SCLT1: variants seen among roughly 807,000 people sequenced by gnomAD.
The protein encoded by SCLT1 is sodium channel-associated protein 1.
Under a neutral mutation model 112.8 loss-of-function variants are expected in SCLT1, and 78 were observed. That is an observed-to-expected ratio of 0.69 (90% CI 0.58 to 0.83). The LOEUF (loss-of-function observed/expected upper bound fraction) is 0.83. Among genes scored for constraint, SCLT1 ranks in the 40% least tolerant of loss-of-function variants. SCLT1 has a pLI of 0.00. For synonymous variants in SCLT1, 257 were observed against 254.7 expected, an observed-to-expected ratio of 1.01 and a Z score of -0.09; for missense variants, 747 against 770.4, an observed-to-expected ratio of 0.97 and a Z score of 0.36.
intron 5 of SCLT1, among the ~76,000 whole-genome samples, chr4:129,017,889 G>A (rs535544362): frequency 2.6e-5 from 4 of 152,232 alleles, no homozygotes; most frequent in Middle Eastern, 3.4e-3. Context: ...GTAAGTTCTG[G>A]AAAAAAAGTC....
At chr4:128,919,646 T>C (rs1488905698) in intron 18 of SCLT1, among the ~76,000 whole-genome samples, 1 of 151,722 alleles carries the variant, frequency 6.6e-6, no homozygotes, top group Non-Finnish European at 1.5e-5. Flanking sequence ...ATAAGATTGA[T>C]AGACCACCAG....
intron 5 of SCLT1, among the ~76,000 whole-genome samples, chr4:129,032,915 G>A (rs1035584011): frequency 6.6e-6 from 1 of 152,182 alleles, no homozygotes; most frequent in Non-Finnish European, 1.5e-5. Flanking sequence ...CATTGTGGAA[G>A]ACAGTGTGGC....
At position 128,965,286 on chromosome 4, in the gene SCLT1, C is replaced by T. The variant is rs1416875114; in HGVS notation, c.810G>A (p.Glu270=). 1.2e-6 allele frequency: 2 copies of T among 1,610,150 alleles called. No individual in the cohort carries two copies. Among genetic ancestry groups the T allele is most frequent in the East Asian group, 2.2e-5 (1 of 44,750 alleles). Residue 270 remains glutamate (E), a synonymous_variant, in exon 11 of 21, where the codon GAG becomes GAA. Transcript: ENST00000281142. ...GCTGTAAACGCCTATCTGATGCTTC[C>T]TCTCTTCCATGGGCAGACACCACAT... ...EKDVVSAHGR[E]EASDRRLQQL... is the part of the protein sequence containing the mutation.
At chr4:128,891,772 G>A (rs950294598) in intron 18 of SCLT1, among the ~76,000 whole-genome samples, 10 of 151,372 alleles carry the variant, frequency 6.6e-5, no homozygotes, top group Admixed American at 2.6e-4. Flanking sequence ...AACCTCCCGA[G>A]TAGCTGGGAC....
At chr4:128,941,826 T>C (rs1737718321) in intron 17 of SCLT1, among the ~76,000 whole-genome samples, 1 of 152,128 alleles carries the variant, frequency 6.6e-6, no homozygotes, top group Admixed American at 6.6e-5. Context: ...CTAATTTGCA[T>C]ATATGCTGTG....
chr4:128,982,017 GA>G (rs1478922951), intron 9 of SCLT1, among the ~76,000 whole-genome samples: 2 of 150,090 alleles, frequency 1.3e-5, no homozygotes, highest in African/African-American at 4.8e-5. Context: ...CAGCTCAGAT[GA>G]GAAAGTGATG....
At chr4:129,024,043 G>A (rs1354967859) in intron 5 of SCLT1, among the ~76,000 whole-genome samples, 2 of 152,184 alleles carry the variant, frequency 1.3e-5, no homozygotes, top group African/African-American at 4.8e-5. Flanking sequence ...CGGGAAGCTC[G>A]AACTGGGTGG....
intron 5 of SCLT1, among the ~76,000 whole-genome samples, chr4:129,024,509 TAACA>T (rs907637670): frequency 1.3e-5 from 2 of 152,112 alleles, no homozygotes; most frequent in Admixed American, 1.3e-4. Context: ...GAAGGAAAAC[TAACA>T]AACAGAAAGG....
chr4:128,989,176 T>C (rs1445259773), intron 9 of SCLT1, among the ~76,000 whole-genome samples: 1 of 151,870 alleles, frequency 6.6e-6, no homozygotes, highest in Non-Finnish European at 1.5e-5. Flanking sequence ...GAAAAATATA[T>C]GTTTTTCTTC....
chr4:129,021,998 A>G (rs1326559495), intron 5 of SCLT1, among the ~76,000 whole-genome samples: 1 of 152,226 alleles, frequency 6.6e-6, no homozygotes, highest in Non-Finnish European at 1.5e-5. Context: ...CACTAGAGAT[A>G]CCCAGGCGAA....
chr4:128,940,929 A>G (rs1356626627), intron 17 of SCLT1, among the ~76,000 whole-genome samples: 1 of 152,114 alleles, frequency 6.6e-6, no homozygotes, highest in Non-Finnish European at 1.5e-5. Flanking sequence ...GTACCATTTA[A>G]TACTTTTAGC....
At chr4:128,877,365 T>C (rs535934929) in intron 3 of SCLT1, among the ~76,000 whole-genome samples, 20 of 152,254 alleles carry the variant, frequency 1.3e-4, no homozygotes, top group African/African-American at 4.8e-4. Flanking sequence ...CCGTAGGCTG[T>C]ACTGCCTCTC....
intron 4 of SCLT1, chr4:129,041,717 A>C (rs529510332): frequency 1.3e-4 from 20 of 152,276 alleles, no homozygotes; most frequent in African/African-American, 4.8e-4. Flanking sequence ...TTCTGAGGAA[A>C]TCGGTCTCAG....
chr4:129,048,541 G>T (rs1237913690), intron 2 of SCLT1, among the ~76,000 whole-genome samples: 23 of 150,984 alleles, frequency 1.5e-4, no homozygotes, highest in South Asian at 2.1e-4. Flanking sequence ...AGAAAACCTA[G>T]GCATTACCAT....
chr4:129,091,862 C>G (rs534863884), intron 1 of SCLT1, among the ~76,000 whole-genome samples: 1 of 152,296 alleles, frequency 6.6e-6, no homozygotes, highest in Admixed American at 6.5e-5. Context: ...TGAGCCCAGA[C>G]AGACTAAATC....
chr4:129,046,208 GCA>G (rs754014699), intron 2 of SCLT1, among the ~76,000 whole-genome samples: 1 of 152,010 alleles, frequency 6.6e-6, no homozygotes, highest in South Asian at 2.1e-4. Flanking sequence ...TCTTCATTTT[GCA>G]CAGTTCTGTG....
intron 18 of SCLT1, among the ~76,000 whole-genome samples, chr4:128,932,313 AAAGT>A (rs1366972165): frequency 6.6e-6 from 1 of 152,144 alleles, no homozygotes. Flanking sequence ...GGCATGAATT[AAAGT>A]GTTTATTGGT....
At chr4:128,959,173 T>C (rs1156724392) in intron 12 of SCLT1, among the ~76,000 whole-genome samples, 1 of 152,178 alleles carries the variant, frequency 6.6e-6, no homozygotes, top group Non-Finnish European at 1.5e-5. Flanking sequence ...AAGCCTTCAG[T>C]AAATAAATCT....
At chr4:129,075,823 T>G (rs1227850020) in intron 2 of SCLT1, among the ~76,000 whole-genome samples, 3 of 152,192 alleles carry the variant, frequency 2.0e-5, no homozygotes, top group African/African-American at 7.2e-5. Context: ...TGTTAACTCA[T>G]GAGCAACAGG....
Sources: allele counts gnomAD v4.1 joint callset (sites outside exome capture counted in the v4.1 genomes callset), GRCh38; gene constraint gnomAD v4.1.1; transcripts MANE v1.5; gene names NCBI Gene and HGNC (gene_info 2026-07-23, HGNC 2026-07-21).